KLHL12: variants seen among roughly 807,000 people sequenced by gnomAD.
KLHL12 encodes the protein kelch-like protein 12.
Under a neutral mutation model 60.8 loss-of-function variants are expected in KLHL12, and 17 were observed. That is an observed-to-expected ratio of 0.28 (90% CI 0.19 to 0.42). The LOEUF is 0.42. Among genes scored for constraint, KLHL12 ranks in the 10% least tolerant of loss-of-function variants. The probability of loss-of-function intolerance (pLI) is 1.00; values close to 1 mark genes in which losing one functional copy is unlikely to be tolerated. For synonymous variants in KLHL12, 220 were observed against 250.9 expected, an observed-to-expected ratio of 0.88 and a Z score of 1.16; for missense variants, 468 against 722.3, an observed-to-expected ratio of 0.65 and a Z score of 4.04.
chr1:202,893,345 C>T lies in KLHL12; in HGVS notation c.1474G>A (p.Ala492Thr), dbSNP rs781627618. ...DGTAHLSSVE[A>T]YNIRTDSWTT... is the part of the protein sequence containing the mutation. ...CAGGAATCAGTGCGAATGTTGTATGCTTCAACGGAAGAAAGGTGGGCTGTA... is the reference window on the plus strand; with the variant it reads ...CAGGAATCAGTGCGAATGTTGTATGTTTCAACGGAAGAAAGGTGGGCTGTA... Residue 492 changes from alanine (A) to threonine (T), a missense_variant, in exon 11 of 12, where the codon GCA becomes ACA. Around this residue, in one of 4 missense-constraint regions of KLHL12, gnomAD observed 68 missense variants for 119.8 expected, o/e 0.57. Transcript: ENST00000367261. The surrounding 1 kb of genome is among the most constrained non-coding windows in gnomAD (Gnocchi z 4.1). 7.4e-6 allele frequency: 12 copies of T among 1,613,978 alleles called. No homozygotes were observed. The highest frequency in any genetic ancestry group is 1.0e-5 in the Non-Finnish European group (12 of 1,179,900).
At chr1:202,892,754 A>T in intron 11 of KLHL12, 95 bp from the exon 12 acceptor site, 2 of 1,363,006 alleles carry the variant, frequency 1.5e-6, no homozygotes, top group East Asian at 4.8e-5. Flanking sequence ...AGGTAAGAGG[A>T]TTGCTTAAGC....
At chr1:202,899,613 G>A (rs1659943247) in intron 6 of KLHL12, among the ~76,000 whole-genome samples, 1 of 151,452 alleles carries the variant, frequency 6.6e-6, no homozygotes, top group African/African-American at 2.4e-5. Context: ...ATTGTCTGAG[G>A]TCAGGAATTC....
At chr1:202,912,672 C>A (rs1660402256) in intron 4 of KLHL12, 1 of 1,291,280 alleles carries the variant, frequency 7.7e-7, no homozygotes, top group African/African-American at 1.5e-5. Flanking sequence ...ACCACGAAAC[C>A]AAGGTGGCTA....
At chr1:202,919,719 T>A (rs1210282900) in intron 3 of KLHL12, 36 bp downstream of exon 3, 1 of 1,570,874 alleles carries the variant, frequency 6.4e-7, no homozygotes, top group Admixed American at 2.0e-5. Flanking sequence ...CCAGGGCTAT[T>A]TTGACATAAA....
intron 4 of KLHL12, chr1:202,912,652 A>T: frequency 2.3e-6 from 3 of 1,301,520 alleles, no homozygotes; most frequent in Non-Finnish European, 3.3e-6. Flanking sequence ...GGAGGCCAAT[A>T]CTCTGCCAAA....
intron 7 of KLHL12, 32 bp downstream of exon 7, chr1:202,896,822 C>A: frequency 6.7e-7 from 1 of 1,499,406 alleles, no homozygotes. Flanking sequence ...CATTTAACAT[C>A]CCTCCCAACG....
chr1:202,904,527 A>G (rs1166865877), intron 6 of KLHL12, among the ~76,000 whole-genome samples: 1 of 152,236 alleles, frequency 6.6e-6, no homozygotes, highest in Non-Finnish European at 1.5e-5. Flanking sequence ...TGTAAAAAAA[A>G]GCTAGTGAAA....
chr1:202,907,970 CTTAA>C (rs1292110022), intron 6 of KLHL12, among the ~76,000 whole-genome samples: 1 of 152,062 alleles, frequency 6.6e-6, no homozygotes, highest in Non-Finnish European at 1.5e-5. Flanking sequence ...CAGTGAGCAG[CTTAA>C]TTATCAACTA....
At chr1:202,927,266 A>T, upstream of KLHL12, 2 of 980,802 alleles carry the variant, frequency 2.0e-6, no homozygotes, top group Non-Finnish European at 1.2e-6. Context: ...TGATGACGCA[A>T]TGCAGCTGGA....
chr1:202,895,815 G>T lies in KLHL12; in HGVS notation c.940-98C>A. 1.2e-6 allele frequency: 1 copy of T among 854,132 alleles called. No individual in the cohort carries two copies. 52.9% of individuals were successfully genotyped at this position (854,132 alleles called of 1,614,324 possible). The stretch of plus-strand genomic sequence containing the variant: ...CCCTGTTGTATCTGCACACCTCTCT[G>T]CTTCTTCACCTGTCATCATGAACCC... On this transcript the variant is annotated intron_variant, in intron 7 of 11. Transcript: ENST00000367261. The surrounding 1 kb of genome is among the most constrained non-coding windows in gnomAD (Gnocchi z 4.2).
chr1:202,901,577 C>T (rs528965776), intron 6 of KLHL12, among the ~76,000 whole-genome samples: 3 of 152,042 alleles, frequency 2.0e-5, no homozygotes, highest in East Asian at 3.9e-4. Flanking sequence ...GCTGGGATTA[C>T]AGACATGAGC....
At chr1:202,924,866 TA>T in intron 2 of KLHL12, 101 bp downstream of exon 2, 4 of 1,417,220 alleles carry the variant, frequency 2.8e-6, no homozygotes, top group Non-Finnish European at 3.8e-6. Context: ...CATCACACTG[TA>T]AAAATTCAAA....
At chr1:202,904,551 A>G (rs965003523) in intron 6 of KLHL12, among the ~76,000 whole-genome samples, 3 of 152,226 alleles carry the variant, frequency 2.0e-5, no homozygotes, top group South Asian at 4.1e-4. Flanking sequence ...TCAACCTGAA[A>G]GAAGCCTGTT....
intron 3 of KLHL12, among the ~76,000 whole-genome samples, chr1:202,919,095 ATTTTG>A (rs1014748373): frequency 2.4e-4 from 36 of 152,052 alleles, no homozygotes; most frequent in African/African-American, 8.7e-4. Context: ...ACACAAAAAA[ATTTTG>A]TTTTAATTAG....
In KLHL12 at chr1:202,918,328, C is replaced by G; in HGVS notation, c.410G>C (p.Gly137Ala). ...GTGGGTTTCAGCAAAATCCCTAATA[C>G]CCAGGCAATTAGAAGGGTCCAACTG... Reference protein sequence around the residue: ...ESQLDPSNCLGIRDFAETHNC... With the variant: ...ESQLDPSNCLAIRDFAETHNC... Residue 137 changes from glycine to alanine, a missense_variant, in exon 4 of 12, where the codon GGT (glycine) becomes GCT (alanine). Coordinates refer to ENST00000367261, the MANE Select transcript of KLHL12 (RefSeq NM_021633.4). 6.2e-7 allele frequency: 1 copy of G among 1,614,136 alleles called. No homozygotes were observed. The highest frequency in any genetic ancestry group is 8.5e-7 in the Non-Finnish European group (1 of 1,180,014).
At chr1:202,899,866 A>C (rs557753328) in intron 6 of KLHL12, among the ~76,000 whole-genome samples, 1 of 151,836 alleles carries the variant, frequency 6.6e-6, no homozygotes, top group Non-Finnish European at 1.5e-5. Flanking sequence ...AAAAAATCAA[A>C]GCATAAGAAT....
chr1:202,897,396 A>G (rs913906295), intron 6 of KLHL12, among the ~76,000 whole-genome samples: 2 of 150,698 alleles, frequency 1.3e-5, no homozygotes, highest in African/African-American at 2.4e-5. Context: ...CACCACGCCC[A>G]GCTAATTTTG....
At position 202,911,043 on chromosome 1, in the gene KLHL12, G is replaced by GC. The variant is rs1327609438; in HGVS notation, c.717+10dup. ...CAAGGTTTTGGATCCTGAGAGTGTT[G>GC]CACTACTTACCTCAGCATCTATTAC... On this transcript the variant is annotated intron_variant, in intron 5 of 11. Coordinates refer to ENST00000367261, the MANE Select transcript of KLHL12 (RefSeq NM_021633.4). The GC allele has an allele frequency of 1.9e-6, 3 of 1,613,408 alleles. No homozygotes were observed. The African/African-American group carries it at 4.0e-5, about 22-fold the overall frequency.
intron 2 of KLHL12, 28 bp from the exon 3 acceptor site, chr1:202,919,936 G>C: frequency 1.3e-6 from 2 of 1,588,756 alleles, no homozygotes; most frequent in South Asian, 1.1e-5. Context: ...ATAAAAGAAT[G>C]ATGGTTATAA....
Sources: allele counts gnomAD v4.1 joint callset (sites outside exome capture counted in the v4.1 genomes callset), GRCh38; gene constraint gnomAD v4.1.1; regional missense constraint gnomAD v4.1.1; non-coding constraint Gnocchi (gnomAD v3.1); transcripts MANE v1.5; gene names NCBI Gene and HGNC (gene_info 2026-07-23, HGNC 2026-07-21).